PLPP4: variants seen among roughly 807,000 people sequenced by gnomAD.
PLPP4 encodes diacylglycerol pyrophosphate like 2.
In PLPP4, 20 loss-of-function variants were observed where a neutral mutation model predicts 32.2. The observed-to-expected ratio is 0.62, with a 90% CI of 0.44 to 0.90. The LOEUF (loss-of-function observed/expected upper bound fraction) is 0.90, where lower values mean the gene tolerates loss of function less well. Ranked by LOEUF, PLPP4 falls within the 40% of genes least tolerant of loss-of-function variation. The pLI is 0.00. For synonymous variants in PLPP4, 127 were observed against 133.0 expected (o/e 0.95, Z 0.31); for missense variants, 257 against 353.1 (o/e 0.73, Z 2.18).
chr10:120,539,627 T>A (rs1038066686), intron 5 of PLPP4, among the ~76,000 whole-genome samples: 1 of 35,060 alleles, frequency 2.9e-5, no homozygotes. Flanking sequence ...TGGACATACC[T>A]CAAGCCTTTT....
At chr10:120,506,641 T>C (rs901127105) in intron 2 of PLPP4, among the ~76,000 whole-genome samples, 8 of 152,254 alleles carry the variant, frequency 5.3e-5, no homozygotes, top group Non-Finnish European at 1.2e-4. Flanking sequence ...TATTGGATAA[T>C]GAATGCTTCT....
At chr10:120,534,292 A>T (rs1006339574) in intron 5 of PLPP4, among the ~76,000 whole-genome samples, 1 of 150,266 alleles carries the variant, frequency 6.7e-6, no homozygotes, top group Non-Finnish European at 1.5e-5. Flanking sequence ...AGTTGTTTCT[A>T]TTGGGAAGTG....
intron 5 of PLPP4, among the ~76,000 whole-genome samples, chr10:120,545,087 T>A (rs1283911558): frequency 1.3e-5 from 2 of 152,210 alleles, no homozygotes; most frequent in Admixed American, 1.3e-4. Flanking sequence ...TCTCTGAAGG[T>A]GAGGATCTTT....
intron 5 of PLPP4, among the ~76,000 whole-genome samples, chr10:120,562,134 C>T (rs1310226834): frequency 6.6e-6 from 1 of 152,104 alleles, no homozygotes; most frequent in Non-Finnish European, 1.5e-5. Flanking sequence ...ATCCTTCTCT[C>T]TTTAAAGGAT....
At chr10:120,480,473 G>T (rs140562664) in intron 1 of PLPP4, among the ~76,000 whole-genome samples, 11 of 152,252 alleles carry the variant, frequency 7.2e-5, no homozygotes, top group African/African-American at 2.6e-4. Flanking sequence ...GACCGAGATG[G>T]AAAGCTAATA....
At chr10:120,491,877 A>G (rs1364680465) in intron 1 of PLPP4, among the ~76,000 whole-genome samples, 1 of 152,212 alleles carries the variant, frequency 6.6e-6, no homozygotes, top group Non-Finnish European at 1.5e-5. Flanking sequence ...AAACAAAAAA[A>G]CCCAAGTGAT....
chr10:120,574,182 T>A (rs1213763979), intron 5 of PLPP4, among the ~76,000 whole-genome samples: 2,835 of 103,154 alleles, frequency 0.027, 25 homozygotes, highest in South Asian at 0.1. Flanking sequence ...TCTCTCTCTC[T>A]CTCTCTCTCT....
At chr10:120,534,584 A>G (rs1055211039) in intron 5 of PLPP4, among the ~76,000 whole-genome samples, 1 of 151,776 alleles carries the variant, frequency 6.6e-6, no homozygotes, top group Non-Finnish European at 1.5e-5. Context: ...TTACATCTAC[A>G]TTGGTATGCT....
At chr10:120,544,323 T>TG (rs1341917855) in intron 5 of PLPP4, among the ~76,000 whole-genome samples, 1 of 152,220 alleles carries the variant, frequency 6.6e-6, no homozygotes, top group Non-Finnish European at 1.5e-5. Context: ...ACAGAGCCCC[T>TG]GGGGGGATGT....
chr10:120,471,733 C>T (rs10886697), intron 1 of PLPP4, among the ~76,000 whole-genome samples: 111,013 of 151,930 alleles, frequency 0.73, 42,609 homozygotes, highest in East Asian at 0.92. Context: ...AAGCCATTTA[C>T]AGTTAATACA....
At chr10:120,569,644 T>C (rs532395316) in intron 5 of PLPP4, among the ~76,000 whole-genome samples, 60 of 152,354 alleles carry the variant, frequency 3.9e-4, no homozygotes, top group African/African-American at 1.3e-3. Flanking sequence ...GTAGCTCAGG[T>C]ATCACCCTGC....
intron 5 of PLPP4, among the ~76,000 whole-genome samples, chr10:120,542,683 T>G (rs1432497286): frequency 1.3e-5 from 2 of 152,236 alleles, no homozygotes; most frequent in Non-Finnish European, 2.9e-5. Context: ...GTTCTTTTCT[T>G]GCACTCAGCC....
intron 1 of PLPP4, among the ~76,000 whole-genome samples, chr10:120,463,902 C>T (rs2133777384): frequency 6.6e-6 from 1 of 152,278 alleles, no homozygotes; most frequent in Admixed American, 6.5e-5. Flanking sequence ...GCAGCCTCAA[C>T]CTCCCAGGCT....
chr10:120,518,891 G>A lies in PLPP4; in HGVS notation c.315G>A (p.Val105=). 6.2e-7 allele frequency: 1 copy of A among 1,609,748 alleles called. No individual in the cohort carries two copies. ...GVCTNTIKLI[V]GRPRPDFFYR... The stretch of plus-strand genomic sequence containing the variant: ...GCACAAACACTATTAAATTAATAGT[G>A]GGAAGGTAAGTTCCAAGAAGAATGA... The change falls in exon 4 of 7, where the codon GTG becomes GTA. Residue 105 remains valine, a synonymous_variant. Transcript: ENST00000398250.
intron 6 of PLPP4, among the ~76,000 whole-genome samples, chr10:120,585,593 A>G (rs1012036063): frequency 2.0e-5 from 3 of 152,216 alleles, no homozygotes; most frequent in Admixed American, 2.0e-4. Context: ...TTATTAAATT[A>G]TCATCACAAC....
At chr10:120,499,436 C>T (rs1845132020) in intron 1 of PLPP4, among the ~76,000 whole-genome samples, 2 of 151,468 alleles carry the variant, frequency 1.3e-5, no homozygotes, top group African/African-American at 4.9e-5. Context: ...TGGCAACAAC[C>T]ACAATTACTT....
At chr10:120,504,934 A>G (rs1389243474) in intron 2 of PLPP4, among the ~76,000 whole-genome samples, 1 of 152,252 alleles carries the variant, frequency 6.6e-6, no homozygotes. Flanking sequence ...TAAATGGGCA[A>G]GCACCCATAG....
chr10:120,489,777 C>T (rs1266039618), intron 1 of PLPP4, among the ~76,000 whole-genome samples: 2 of 152,104 alleles, frequency 1.3e-5, no homozygotes, highest in Admixed American at 6.5e-5. Context: ...CAGCTCAAAC[C>T]AAATATGCAG....
intron 5 of PLPP4, among the ~76,000 whole-genome samples, chr10:120,565,095 CT>C (rs1243095104): frequency 6.6e-6 from 1 of 152,124 alleles, no homozygotes; most frequent in African/African-American, 2.4e-5. Context: ...ACATTAAATG[CT>C]TTAACTCTGA....
Sources: gnomAD v4.1 joint callset for allele counts (sites outside exome capture counted in the v4.1 genomes callset) on GRCh38, gnomAD v4.1.1 for gene constraint, MANE v1.5 for transcripts, NCBI Gene and HGNC (gene_info 2026-07-23, HGNC 2026-07-21) for gene names.